Variants in GRM7 observed in about 807,000 individuals in gnomAD.
The protein encoded by GRM7 is glutamate metabotropic receptor 7.
Under a neutral mutation model 84.5 loss-of-function variants are expected in GRM7, and 35 were observed. The observed-to-expected ratio is 0.41, with a 90% confidence interval of 0.32 to 0.55. The LOEUF is 0.55. Ranked by LOEUF, GRM7 falls within the 20% of genes least tolerant of loss-of-function variation. The probability of loss-of-function intolerance (pLI) is 0.19; values close to 1 mark genes in which losing one functional copy is unlikely to be tolerated. For synonymous variants in GRM7, 487 were observed against 455.1 expected (o/e 1.07, Z -0.89); for missense variants, 1,003 against 1,194.6 (o/e 0.84, Z 2.36).
intron 2 of GRM7, among the ~76,000 whole-genome samples, chr3:7,248,264 C>G (rs1204753775): frequency 1.3e-5 from 2 of 152,086 alleles, no homozygotes; most frequent in African/African-American, 4.8e-5. Flanking sequence ...TGTGTTCATA[C>G]AAGGGAATAC....
intron 1 of GRM7, among the ~76,000 whole-genome samples, chr3:7,023,282 T>G (rs1695847701): frequency 6.6e-6 from 1 of 152,150 alleles, no homozygotes. Context: ...GCATTTCTTT[T>G]GGAAAGAAGC....
intron 7 of GRM7, among the ~76,000 whole-genome samples, chr3:7,501,648 A>G (rs1699887106): frequency 2.0e-5 from 3 of 152,214 alleles, no homozygotes; most frequent in Admixed American, 2.0e-4. Flanking sequence ...TAAGCTACCT[A>G]TTATGGTACT....
intron 4 of GRM7, among the ~76,000 whole-genome samples, chr3:7,376,155 T>C (rs528937498): frequency 6.6e-6 from 1 of 152,318 alleles, no homozygotes; most frequent in Non-Finnish European, 1.5e-5. Flanking sequence ...GTCTGCATCA[T>C]GCTGACCAAC....
At chr3:7,462,742 A>G (rs951255252) in intron 7 of GRM7, among the ~76,000 whole-genome samples, 1 of 152,102 alleles carries the variant, frequency 6.6e-6, no homozygotes, top group African/African-American at 2.4e-5. Flanking sequence ...CTTAGCCTAG[A>G]TCTGCTTGCA....
chr3:7,410,835 G>C (rs1328115921), intron 4 of GRM7, among the ~76,000 whole-genome samples: 1 of 152,048 alleles, frequency 6.6e-6, no homozygotes, highest in Non-Finnish European at 1.5e-5. Flanking sequence ...TATTTACTAA[G>C]GTGTATTCCT....
rs1700832578 is a variant in GRM7 at position 7,322,694 on chromosome 3, T to C, written c.1033+16042T>C. Among the ~76,000 whole-genome samples, 3 of 152,176 alleles carry C rather than the reference T, an allele frequency of 2.0e-5. No homozygotes were observed. In the South Asian group the frequency reaches 6.2e-4, roughly 32 times the overall value. ...TCCTGAGTTGCTTCACTTAGAATAA[T>C]GGTCTCCAACTCCATCCAGGTTGCT... On this transcript the variant is annotated intron_variant, in intron 4 of 9. Coordinates refer to ENST00000357716, the MANE Select transcript of GRM7 (RefSeq NM_000844.4).
At chr3:7,194,526 C>G (rs115558794) in intron 2 of GRM7, among the ~76,000 whole-genome samples, 3,093 of 152,212 alleles carry the variant, frequency 0.02, 103 homozygotes, top group African/African-American at 0.069. Flanking sequence ...AGTCATGTCT[C>G]AGATCTAATG....
intron 7 of GRM7, among the ~76,000 whole-genome samples, chr3:7,488,379 A>C (rs1699398835): frequency 6.6e-6 from 1 of 152,114 alleles, no homozygotes; most frequent in African/African-American, 2.4e-5. Context: ...TCAAAACTCA[A>C]GTTAAAGTTT....
intron 4 of GRM7, among the ~76,000 whole-genome samples, chr3:7,359,550 G>C (rs150091811): frequency 1.4e-5 from 2 of 147,392 alleles, no homozygotes; most frequent in East Asian, 1.9e-4. Flanking sequence ...GGCCAGGCTG[G>C]TCTTGAACTC....
intron 1 of GRM7, among the ~76,000 whole-genome samples, chr3:6,880,962 C>A (rs1320269140): frequency 6.6e-6 from 1 of 152,070 alleles, no homozygotes. Flanking sequence ...CTCTCAGTTA[C>A]TCTGTAGTTC....
chr3:6,984,899 A>AT (rs1362646315), intron 1 of GRM7, among the ~76,000 whole-genome samples: 1 of 152,176 alleles, frequency 6.6e-6, no homozygotes, highest in Non-Finnish European at 1.5e-5. Flanking sequence ...TTCCAGTGGG[A>AT]TATGCGTGTG....
rs1694824731 is a variant in GRM7 at position 6,863,238 on chromosome 3, T to G, written c.519+1331T>G. ...CCGTATTAAAATGACCCTTTTCCAG[T>G]GCATAGCGGCTCTCTCCCTGGCTGG... is the stretch of plus-strand genomic sequence containing the variant. On this transcript the variant is annotated intron_variant, in intron 1 of 9. Coordinates refer to ENST00000357716, the MANE Select transcript of GRM7 (RefSeq NM_000844.4). This position sits in a 1 kb window ranked among gnomAD's most constrained non-coding sequence, Gnocchi z 4.8. Among the ~76,000 whole-genome samples, 2 of 152,074 alleles carry G rather than the reference T, an allele frequency of 1.3e-5. No individual in the cohort carries two copies. Among genetic ancestry groups the G allele is most frequent in the Non-Finnish European group, 1.5e-5 (1 of 68,016 alleles).
intron 2 of GRM7, among the ~76,000 whole-genome samples, chr3:7,236,439 T>C (rs940549315): frequency 6.6e-6 from 1 of 152,228 alleles, no homozygotes; most frequent in African/African-American, 2.4e-5. Context: ...GCTTCCTATA[T>C]CCATGCCTTA....
chr3:6,968,122 A>G (rs1693600548), intron 1 of GRM7, among the ~76,000 whole-genome samples: 1 of 152,212 alleles, frequency 6.6e-6, no homozygotes. Flanking sequence ...GTTCAAAATC[A>G]GTGTGCCAGC....
chr3:6,876,597 T>TC (rs1369707357), intron 1 of GRM7, among the ~76,000 whole-genome samples: 8 of 109,784 alleles, frequency 7.3e-5, no homozygotes, highest in Non-Finnish European at 1.4e-4. Context: ...TTTTTACCAC[T>TC]AATTTTTTTT....
chr3:6,893,034 TTTA>T (rs1696029886), intron 1 of GRM7: 1 of 152,138 alleles, frequency 6.6e-6, no homozygotes, highest in South Asian at 2.1e-4. Context: ...ATCAGTAACA[TTTA>T]TTGATTTTTT....
intron 4 of GRM7, among the ~76,000 whole-genome samples, chr3:7,406,940 A>AG (rs948841046): frequency 4.6e-5 from 7 of 152,182 alleles, no homozygotes; most frequent in Admixed American, 1.3e-4. Flanking sequence ...CTGTTAGTAG[A>AG]GGGAAAAAAG....
At chr3:6,884,909 T>G (rs1695635459) in intron 1 of GRM7, among the ~76,000 whole-genome samples, 2 of 152,174 alleles carry the variant, frequency 1.3e-5, no homozygotes, top group South Asian at 4.1e-4. Context: ...GACACAGTTT[T>G]CTTCATGTGA....
chr3:7,586,372 TG>T (rs1229977572), intron 8 of GRM7, among the ~76,000 whole-genome samples: 1 of 150,802 alleles, frequency 6.6e-6, no homozygotes, highest in African/African-American at 2.5e-5. Context: ...TGTAAAGACT[TG>T]TACATGAGGG....
Sources: gnomAD v4.1 joint callset for allele counts (sites outside exome capture counted in the v4.1 genomes callset) on GRCh38, gnomAD v4.1.1 for gene constraint, Gnocchi (gnomAD v3.1) non-coding constraint, MANE v1.5 for transcripts, NCBI Gene and HGNC (gene_info 2026-07-23, HGNC 2026-07-21) for gene names.